MRPL58: variants seen among roughly 807,000 people sequenced by gnomAD.
The protein encoded by MRPL58 is large ribosomal subunit protein mL62.
A neutral mutation model predicts 26.0 loss-of-function variants in MRPL58; 17 were observed. The observed-to-expected ratio is 0.65, with a 90% CI of 0.45 to 0.98. MRPL58 has a LOEUF of 0.98. Among genes scored for constraint, MRPL58 ranks in the 50% least tolerant of loss-of-function variants. MRPL58 has a pLI of 0.00. For synonymous variants in MRPL58, 100 were observed against 99.7 expected (o/e 1.00, Z -0.02); for missense variants, 250 against 269.0 (o/e 0.93, Z 0.49).
At chr17:75,019,137 A>G (rs1407342731) in intron 2 of MRPL58, among the ~76,000 whole-genome samples, 1 of 151,978 alleles carries the variant, frequency 6.6e-6, no homozygotes, top group Non-Finnish European at 1.5e-5. Flanking sequence ...CTCAAAAAAA[A>G]AAAAAATGAA....
intron 2 of MRPL58, chr17:75,018,797 C>G (rs976234166): frequency 6.6e-6 from 1 of 152,144 alleles, no homozygotes; most frequent in South Asian, 2.1e-4. Flanking sequence ...TTTTTAGATT[C>G]GGAGAGTGTA....
At position 75,020,333 on chromosome 17, in the gene MRPL58, A is replaced by G. The variant is rs1189137753; in HGVS notation, c.304A>G (p.Arg102Gly). 6.2e-7 allele frequency: 1 copy of G among 1,614,082 alleles called. No individual in the cohort carries two copies. Among genetic ancestry groups the G allele is most frequent in the Non-Finnish European group, 8.5e-7 (1 of 1,179,962 alleles). Residue 102 changes from arginine to glycine, a missense_variant, in exon 4 of 6, where the codon AGG (arginine) becomes GGG (glycine). By Grantham distance (125) the Arg-to-Gly change is moderately radical. Transcript: ENST00000301585. ...VNKVNSKAEVRFHLATAEWIA... is the reference protein window; with the variant it reads ...VNKVNSKAEVGFHLATAEWIA... ...CACAGTGAATTCCAAGGCAGAAGTC[A>G]GGTTCCATTTGGCAACTGCCGAGTG...
At chr17:75,019,553 T>C (rs2039999475) in intron 2 of MRPL58, 147 bp from the exon 3 acceptor site, 1 of 697,042 alleles carries the variant, frequency 1.4e-6, no homozygotes, top group Non-Finnish European at 2.6e-6. Context: ...GCCACCGTGG[T>C]GCCACAGTTC....
chr17:75,020,710 T>C (rs1166816066), intron 5 of MRPL58, 53 bp downstream of exon 5: 6 of 1,558,248 alleles, frequency 3.9e-6, no homozygotes, highest in Admixed American at 1.7e-5. Flanking sequence ...GACAAGAGTC[T>C]ACACAGGTAA....
rs1388499648 is a variant in MRPL58 at position 75,021,069 on chromosome 17, T to G, written c.*64T>G. On this transcript the variant is annotated 3_prime_UTR_variant, in exon 6 of 6. Coordinates refer to ENST00000301585, the MANE Select transcript of MRPL58 (RefSeq NM_001545.3). Reference sequence around the variant, plus strand: ...CGGGCAGCTGCAGCTGAGAGGACTTTCACACCATAAGGAGATTTCTGTTTT... The same window carrying G: ...CGGGCAGCTGCAGCTGAGAGGACTTGCACACCATAAGGAGATTTCTGTTTT... 3.9e-6 allele frequency: 4 copies of G among 1,019,352 alleles called. No homozygotes were observed. The African/African-American group carries it at 4.7e-5, about 12-fold the overall frequency. 63.1% of individuals were successfully genotyped at this position (1,019,352 alleles called of 1,614,324 possible).
intron 2 of MRPL58, among the ~76,000 whole-genome samples, chr17:75,019,224 G>C (rs567080043): frequency 6.6e-6 from 1 of 152,220 alleles, no homozygotes; most frequent in South Asian, 2.1e-4. Flanking sequence ...GAGGCGAAGA[G>C]AAGTGTCTTG....
At chr17:75,017,323 T>C (rs1464002873) in intron 2 of MRPL58, among the ~76,000 whole-genome samples, 1 of 151,434 alleles carries the variant, frequency 6.6e-6, no homozygotes, top group Non-Finnish European at 1.5e-5. Context: ...AAAAAAATCA[T>C]GCCTGTTGGC....
intron 1 of MRPL58, among the ~76,000 whole-genome samples, chr17:75,013,781 A>C (rs1190061764): frequency 6.6e-6 from 1 of 152,204 alleles, no homozygotes; most frequent in African/African-American, 2.4e-5. Flanking sequence ...CAATAACCTG[A>C]AGGCAGTAGC....
At position 75,021,115 on chromosome 17, in the gene MRPL58, T is replaced by C. The variant is rs2040015070; in HGVS notation, c.*110T>C. ...GTTTTTCTTTTTGGCTGTTAATGCT[T>C]GTCTATAACATTGGAGCCATCACAA... On this transcript the variant is annotated 3_prime_UTR_variant, in exon 6 of 6. Coordinates refer to ENST00000301585, the MANE Select transcript of MRPL58 (RefSeq NM_001545.3). 5 of 714,822 alleles carry C rather than the reference T, an allele frequency of 7.0e-6. No individual in the cohort carries two copies. The Admixed American group carries it at 1.2e-4, about 17-fold the overall frequency. 44.3% of individuals were successfully genotyped at this position (714,822 alleles called of 1,614,324 possible). A position where few individuals can be genotyped will look rare whatever the true frequency, so the allele number is the denominator to read the frequency against.
In MRPL58 at chr17:75,020,993, C is replaced by T. The variant is rs764664231; in HGVS notation, c.609C>T (p.Val203=). The part of the protein sequence containing the change: ...IHSAVKTSRR[V]DMD ...CTGCTGTAAAGACAAGCAGGAGGGT[C>T]GACATGGACTGAAATCACCCTCTGC... Residue 203 remains valine (V), a synonymous_variant, in exon 6 of 6, where the codon GTC becomes GTT. Coordinates refer to ENST00000301585, the MANE Select transcript of MRPL58 (RefSeq NM_001545.3). The T allele has an allele frequency of 6.2e-7, 1 of 1,612,678 alleles. No individual in the cohort carries two copies. Among genetic ancestry groups the T allele is most frequent in the Middle Eastern group, 1.7e-4 (1 of 6,052 alleles).
rs761012490 is a variant in MRPL58, at chr17:75,021,012, C to T, written c.*7C>T. The T allele has an allele frequency of 6.2e-7, 1 of 1,605,034 alleles. No individual in the cohort carries two copies. On this transcript the variant is annotated 3_prime_UTR_variant, in exon 6 of 6. Transcript: ENST00000301585. ...GAGGGTCGACATGGACTGAAATCACCCTCTGCAGCTGGGAGGGCTCTTCTG... is the reference window on the plus strand; with the variant it reads ...GAGGGTCGACATGGACTGAAATCACTCTCTGCAGCTGGGAGGGCTCTTCTG...
intron 2 of MRPL58, among the ~76,000 whole-genome samples, chr17:75,017,928 G>GAAA (rs34525179): frequency 6.8e-6 from 1 of 147,234 alleles, no homozygotes. Flanking sequence ...TGTCTCAGAC[G>GAAA]AAAAAAAAAA....
At position 75,014,179 on chromosome 17, in the gene MRPL58, C is replaced by CTTT. The variant is rs570042413; in HGVS notation, c.186+1329_186+1331dup. 7.1e-3 allele frequency among the ~76,000 whole-genome samples: 544 copies of CTTT among 77,032 alleles called. 7 individuals carry two copies. Among genetic ancestry groups the CTTT allele is most frequent in the Non-Finnish European group, 9.3e-3 (417 of 44,718 alleles). The allele number at this position is 77,032 out of a possible 152,430, so 50.5% of individuals were successfully genotyped here. On this transcript the variant is annotated intron_variant, in intron 1 of 5. Coordinates refer to ENST00000301585, the MANE Select transcript of MRPL58 (RefSeq NM_001545.3). ...TAAAAGAGGAATTGAAGTCTGGGGC[C>CTTT]TTTTTTTTTTTTTTTTTTTTTTTTG...
intron 2 of MRPL58, among the ~76,000 whole-genome samples, chr17:75,017,788 G>A (rs1413936350): frequency 6.6e-6 from 1 of 151,996 alleles, no homozygotes; most frequent in East Asian, 1.9e-4. Context: ...GCCGGGTGTG[G>A]TGGTGGGCGC....
chr17:75,014,441 CTTTTTTTTTTTT>C lies in MRPL58; in HGVS notation c.186+1578_186+1589del, dbSNP rs35929744. 8.3e-4 allele frequency among the ~76,000 whole-genome samples: 63 copies of C among 76,232 alleles called. No homozygotes were observed. The Middle Eastern group carries it at 0.037, about 44-fold the overall frequency. The allele number at this position is 76,232 out of a possible 152,430, so 50.0% of individuals were successfully genotyped here. ...CACGGGCGTGAGCCACCGCGCCAGG[CTTTTTTTTTTTT>C]TTTTTTTTGAGACAGGGTCTTACTC... On this transcript the variant is annotated intron_variant, in intron 1 of 5. Transcript: ENST00000301585.
Position 75,021,169 on chromosome 17 carries a change from G to C in MRPL58, c.*164G>C. On this transcript the variant is annotated 3_prime_UTR_variant, in exon 6 of 6. Coordinates refer to ENST00000301585, the MANE Select transcript of MRPL58 (RefSeq NM_001545.3). ...TGTTCATTTGGAATGAAGGCTGCAG[G>C]CACTGGTTGCAGACGTCTTTATAGG... 5 of 608,380 alleles carry C rather than the reference G, an allele frequency of 8.2e-6. No individual in the cohort carries two copies. The allele number at this position is 608,380 out of a possible 1,614,324, so 37.7% of individuals were successfully genotyped here.
chr17:75,017,407 G>A (rs548609821), intron 2 of MRPL58, among the ~76,000 whole-genome samples: 1 of 152,318 alleles, frequency 6.6e-6, no homozygotes, highest in African/African-American at 2.4e-5. Flanking sequence ...GAGGCCAGGA[G>A]TTTGAGACCA....
At chr17:75,019,537 C>G (rs115567779) in intron 2 of MRPL58, among the ~76,000 whole-genome samples, 163 bp from the exon 3 acceptor site, 3,370 of 152,308 alleles carry the variant, frequency 0.022, 128 homozygotes, top group African/African-American at 0.077. Flanking sequence ...CTGGGACCAG[C>G]TCTCTGCCAC....
Position 75,020,551 on chromosome 17 carries a change from T to C in MRPL58, c.430T>C (p.Phe144Leu). 3 of 1,614,054 alleles carry C rather than the reference T, an allele frequency of 1.9e-6. No individual in the cohort carries two copies. The highest frequency in any genetic ancestry group is 2.5e-6 in the Non-Finnish European group (3 of 1,179,928). Residue 144 changes from phenylalanine to leucine, a missense_variant, in exon 5 of 6, where the codon TTC (phenylalanine) becomes CTC (leucine). By Grantham distance (22) the Phe-to-Leu change is conservative. Coordinates refer to ENST00000301585, the MANE Select transcript of MRPL58 (RefSeq NM_001545.3). ...CACCTCTGAGAGCAGCCGCTATCAG[T>C]TCCGGAATCTGGCAGATTGCCTGCA... ...ILTSESSRYQFRNLADCLQKI... is the reference protein window; with the variant it reads ...ILTSESSRYQLRNLADCLQKI...
Sources: allele counts gnomAD v4.1 joint callset (sites outside exome capture counted in the v4.1 genomes callset), GRCh38; gene constraint gnomAD v4.1.1; transcripts MANE v1.5; gene names NCBI Gene and HGNC (gene_info 2026-07-23, HGNC 2026-07-21).